Variants in TRIM49C observed in about 807,000 individuals in gnomAD.
The protein encoded by TRIM49C is tripartite motif-containing protein 49C.
In TRIM49C, 6 loss-of-function variants were observed where a neutral mutation model predicts 21.4. The ratio of observed to expected loss-of-function variants is 0.28; its 90% CI spans 0.15 to 0.55. The LOEUF (loss-of-function observed/expected upper bound fraction) is 0.55, where lower values mean the gene tolerates loss of function less well. TRIM49C is among the 20% of genes least tolerant of loss of function. The pLI is 0.94. For missense variants in TRIM49C, 161 were observed against 442.4 expected (o/e 0.36, Z 5.71); for synonymous variants, 57 against 148.1 (o/e 0.38, Z 4.47).
At chr11:90,065,960 GAA>G in the TRIM49C span, among the ~76,000 whole-genome samples, 1 of 108,588 alleles carries the variant, frequency 9.2e-6, no homozygotes, top group Non-Finnish European at 2.0e-5. Flanking sequence ...TGTCTCAAAA[GAA>G]AAAAAAAAAA....
At chr11:90,048,750 AC>A in the TRIM49C span, among the ~76,000 whole-genome samples, 2 of 124,406 alleles carry the variant, frequency 1.6e-5, no homozygotes, top group African/African-American at 3.2e-5. Context: ...TTGTCTGAAG[AC>A]TTCTTCTCTC....
the TRIM49C span, chr11:90,071,788 T>C: frequency 2.4e-5 from 27 of 1,118,506 alleles, no homozygotes; most frequent in Non-Finnish European, 3.3e-5. Context: ...CTCAACCACT[T>C]CCGAGGTGAG....
intron 3 of TRIM49C, 47 bp downstream of exon 3, chr11:90,035,669 T>G: frequency 7.3e-7 from 1 of 1,377,412 alleles, no homozygotes; most frequent in Non-Finnish European, 9.5e-7. Flanking sequence ...AAGCATAAAA[T>G]TCCTGTGGGT....
At chr11:90,052,022 C>T in the TRIM49C span, 32 of 866,680 alleles carry the variant, frequency 3.7e-5, 4 homozygotes, top group South Asian at 9.6e-5. Flanking sequence ...AAGGTGGGCG[C>T]GGGTGCCTTG....
chr11:90,035,350 C>G lies in TRIM49C; in HGVS notation c.139C>G (p.Pro47Ala). Reference sequence around the variant, plus strand: ...TTTCTACCTCAACTGGCAAGACATCCCATTTCTTGTCCAGTGCTCTGAATG... The same window carrying G: ...TTTCTACCTCAACTGGCAAGACATCGCATTTCTTGTCCAGTGCTCTGAATG... ...PCFYLNWQDI[P>A]FLVQCSECTK... The change falls in exon 3 of 8, where the codon CCA becomes GCA. Residue 47 changes from proline (P) to alanine (A), a missense_variant. Pro to Ala is a conservative substitution (Grantham distance 27). Coordinates refer to ENST00000448984, the MANE Select transcript of TRIM49C (RefSeq NM_001195234.1). 1 of 1,510,564 alleles carries G rather than the reference C, an allele frequency of 6.6e-7. No homozygotes were observed. Among genetic ancestry groups the G allele is most frequent in the Non-Finnish European group, 8.9e-7 (1 of 1,117,404 alleles). The allele number at this position is 1,510,564 out of a possible 1,614,324, so 93.6% of individuals were successfully genotyped here.
chr11:90,045,036 C>T (rs1175642244), downstream of TRIM49C, among the ~76,000 whole-genome samples: 1 of 113,086 alleles, frequency 8.8e-6, no homozygotes, highest in Non-Finnish European at 1.8e-5. Flanking sequence ...ATAGGGAATC[C>T]TTTCCCCATT....
rs1355987942 is a variant in TRIM49C, at chr11:90,031,959, C to T, written c.-190-438C>T. Among the ~76,000 whole-genome samples the T allele has an allele frequency of 1.2e-4, 16 of 135,048 alleles. 5 individuals carry two copies. Among genetic ancestry groups the T allele is most frequent in the South Asian group, 2.5e-4 (1 of 3,934 alleles). 88.6% of individuals were successfully genotyped at this position (135,048 alleles called of 152,430 possible). A position where few individuals can be genotyped will look rare whatever the true frequency, so the allele number is the denominator to read the frequency against. On this transcript the variant is annotated intron_variant, in intron 1 of 7. Transcript: ENST00000448984. ...CATGGGCTACAGAGTCATACACTGA[C>T]GTTACCAAAAATTTCAACAAAAAAA...
the TRIM49C span, chr11:90,052,465 G>C: frequency 5.6e-6 from 1 of 177,456 alleles, no homozygotes; most frequent in Non-Finnish European, 1.1e-5. Flanking sequence ...GCCACGCACG[G>C]CGCCCGGCGT....
rs574242440 is a variant in TRIM49C at position 90,036,852 on chromosome 11, G to A, written c.507+869G>A. Among the ~76,000 whole-genome samples, 31 of 137,854 alleles carry A rather than the reference G, an allele frequency of 2.2e-4. 2 individuals carry two copies. Among genetic ancestry groups the A allele is most frequent in the African/African-American group, 8.0e-4 (31 of 38,754 alleles). The allele number at this position is 137,854 out of a possible 152,430, so 90.4% of individuals were successfully genotyped here. A position where few individuals can be genotyped will look rare whatever the true frequency, so the allele number is the denominator to read the frequency against. The stretch of plus-strand genomic sequence containing the variant: ...ATGTATTTGAGTGTGGTAGGTTTTT[G>A]TTGGAGAATAATCAAGCAGGGAAGT... On this transcript the variant is annotated intron_variant, in intron 4 of 7. Transcript: ENST00000448984.
chr11:90,041,542 C>A lies in TRIM49C; in HGVS notation c.1351C>A (p.His451Asn). ...PPLRPIFCCIHF is the reference protein window; with the variant it reads ...PPLRPIFCCINF ...TCTCAGGCCTATCTTTTGCTGTATT[C>A]ACTTCTGACCAGAGACAAATCAGAA... Residue 451 changes from histidine (H) to asparagine (N), a missense_variant, in exon 8 of 8, where the codon CAC (histidine) becomes AAC (asparagine). Physicochemically the swap from His to Asn is moderately conservative, Grantham distance 68. This residue lies in a region of TRIM49C where 18 missense variants were observed against 60.0 expected (regional missense o/e 0.30). Coordinates refer to ENST00000448984, the MANE Select transcript of TRIM49C (RefSeq NM_001195234.1). 2.2e-6 allele frequency: 3 copies of A among 1,364,608 alleles called. No homozygotes were observed. The highest frequency in any genetic ancestry group is 2.9e-6 in the Non-Finnish European group (3 of 1,022,558). 84.5% of individuals were successfully genotyped at this position (1,364,608 alleles called of 1,614,324 possible). A position where few individuals can be genotyped will look rare whatever the true frequency, so the allele number is the denominator to read the frequency against.
the TRIM49C span, among the ~76,000 whole-genome samples, chr11:90,055,897 C>T: frequency 7.2e-6 from 1 of 138,298 alleles, no homozygotes; most frequent in African/African-American, 2.6e-5. Flanking sequence ...AGCCGGTGCC[C>T]TAGGAGATGT....
chr11:90,031,990 C>A (rs564400142), intron 1 of TRIM49C, among the ~76,000 whole-genome samples: 1 of 136,158 alleles, frequency 7.3e-6, no homozygotes, highest in East Asian at 2.2e-4. Flanking sequence ...AAAAAATTAG[C>A]CAGGTGATAT....
chr11:90,072,070 T>C, the TRIM49C span, among the ~76,000 whole-genome samples: 151 of 141,556 alleles, frequency 1.1e-3, 12 homozygotes, highest in African/African-American at 3.7e-3. Context: ...TACAATTTCA[T>C]GTATACAATT....
the TRIM49C span, chr11:90,071,873 G>A: frequency 3.0e-5 from 18 of 606,254 alleles, no homozygotes; most frequent in Non-Finnish European, 4.7e-5. Flanking sequence ...CCAGTGTAAC[G>A]ATTTTTCATC....
At chr11:90,051,855 G>C in the TRIM49C span, 3 of 408,738 alleles carry the variant, frequency 7.3e-6, no homozygotes, top group South Asian at 7.9e-5. Context: ...TCTTCTTCCA[G>C]GGCAGCGGGC....
At chr11:90,033,453 C>A (rs1346963154) in intron 2 of TRIM49C, among the ~76,000 whole-genome samples, 1 of 135,688 alleles carries the variant, frequency 7.4e-6, no homozygotes, top group East Asian at 2.2e-4. Context: ...AATATGTTTA[C>A]TGTACCCTTT....
the TRIM49C span, among the ~76,000 whole-genome samples, chr11:90,055,967 T>A: frequency 6.2e-5 from 8 of 128,692 alleles, 2 homozygotes; most frequent in Non-Finnish European, 1.2e-4. Context: ...TTTTTTTTTT[T>A]TTTTTTTTTG....
downstream of TRIM49C, among the ~76,000 whole-genome samples, chr11:90,046,362 T>C (rs188344010): frequency 3.2e-3 from 394 of 124,828 alleles, 2 homozygotes; most frequent in East Asian, 4.4e-3. Flanking sequence ...TGGTACCAGC[T>C]CCTCCTTGTA....
downstream of TRIM49C, among the ~76,000 whole-genome samples, chr11:90,045,924 A>G (rs1315504634): frequency 1.7e-5 from 2 of 119,684 alleles, no homozygotes; most frequent in East Asian, 5.1e-4. Flanking sequence ...GATTGTCATA[A>G]ATAGCTCTTA....
Sources: allele counts gnomAD v4.1 joint callset (sites outside exome capture counted in the v4.1 genomes callset), GRCh38; gene constraint gnomAD v4.1.1; regional missense constraint gnomAD v4.1.1; transcripts MANE v1.5; gene names NCBI Gene and HGNC (gene_info 2026-07-23, HGNC 2026-07-21).